HELB: variants seen among roughly 807,000 people sequenced by gnomAD.
The protein encoded by HELB is DNA helicase B, also known as DNA 5'-3' helicase B.
A neutral mutation model predicts 101.7 loss-of-function variants in HELB; 96 were observed. That is an observed-to-expected ratio of 0.94 (90% CI 0.80 to 1.12). The LOEUF (loss-of-function observed/expected upper bound fraction) is 1.12, where lower values mean the gene tolerates loss of function less well. Ranked by LOEUF, HELB falls within the 50% of genes most tolerant of loss-of-function variation. HELB has a pLI of 0.00. For missense variants in HELB, 1,210 were observed against 1,291.9 expected, an observed-to-expected ratio of 0.94 and a Z score of 0.97; for synonymous variants, 437 against 459.7, an observed-to-expected ratio of 0.95 and a Z score of 0.63.
rs530573151 is a variant in HELB at position 66,322,838 on chromosome 12, G to T, written c.2297+55G>T. 4.2e-4 allele frequency: 396 copies of T among 942,024 alleles called. 1 individual carries two copies. In the South Asian group the frequency reaches 4.9e-3, roughly 12 times the overall value. The allele number at this position is 942,024 out of a possible 1,614,324, so 58.4% of individuals were successfully genotyped here. ...AGGACAGTCCTTCTTCGATTTGCTGGTTTTTTTTTTTGCTTTGATGTTTGT... is the reference window on the plus strand; with the variant it reads ...AGGACAGTCCTTCTTCGATTTGCTGTTTTTTTTTTTTGCTTTGATGTTTGT... On this transcript the variant is annotated intron_variant, in intron 9 of 12. Transcript: ENST00000247815.
In HELB at chr12:66,310,465, G is replaced by T; in HGVS notation, c.1537G>T (p.Ala513Ser). The T allele has an allele frequency of 6.2e-7, 1 of 1,614,148 alleles. No homozygotes were observed. The highest frequency in any genetic ancestry group is 8.5e-7 in the Non-Finnish European group (1 of 1,180,030). Residue 513 changes from alanine (A) to serine (S), a missense_variant, in exon 4 of 13, where the codon GCT becomes TCT. Physicochemically the swap from Ala to Ser is moderately conservative, Grantham distance 99. Coordinates refer to ENST00000247815, the MANE Select transcript of HELB (RefSeq NM_001370285.1). ...TGAAGATTTTGAACAAGACCAGAATGCTTCAGAAGAATGGATTACCTTTAC... is the reference window on the plus strand; with the variant it reads ...TGAAGATTTTGAACAAGACCAGAATTCTTCAGAAGAATGGATTACCTTTAC... ...ACEDFEQDQNASEEWITFTEQ... is the reference protein window; with the variant it reads ...ACEDFEQDQNSSEEWITFTEQ...
At chr12:66,332,362 C>A (rs956918520) in intron 12 of HELB, among the ~76,000 whole-genome samples, 1 of 152,148 alleles carries the variant, frequency 6.6e-6, no homozygotes, top group Non-Finnish European at 1.5e-5. Context: ...GTTTTGCTTT[C>A]CAAGGTTTCA....
chr12:66,327,066 A>AATATATATATATATATATATATATAT (rs1555167520), intron 11 of HELB, among the ~76,000 whole-genome samples: 4 of 46,808 alleles, frequency 8.5e-5, no homozygotes, highest in African/African-American at 3.9e-4. Flanking sequence ...AAAAAAAAAA[A>AATATATATATATATATATATATATAT]ATATATATAT....
chr12:66,324,632 C>CGTA, intron 10 of HELB: 1 of 287,642 alleles, frequency 3.5e-6, no homozygotes, highest in Non-Finnish European at 6.6e-6. Context: ...TGTAGATACC[C>CGTA]TCACTGAAAG....
chr12:66,334,100 C>A (rs1245794892), intron 12 of HELB, among the ~76,000 whole-genome samples: 1 of 152,010 alleles, frequency 6.6e-6, no homozygotes, highest in Non-Finnish European at 1.5e-5. Context: ...GTCGAGGCTG[C>A]AGTAAGCTGT....
In HELB at chr12:66,302,621, G is replaced by C; in HGVS notation, c.18G>C (p.Pro6=). 1.4e-5 allele frequency: 23 copies of C among 1,613,902 alleles called. No homozygotes were observed. The highest frequency in any genetic ancestry group is 1.9e-5 in the Non-Finnish European group (22 of 1,179,786). ...GGAGAAGCATGGCCAGGTCGAGTCC[G>C]TACCTGCGCCAACTTCAGGGACCTC... MARSS[P]YLRQLQGPLL... The change falls in exon 1 of 13, where the codon CCG becomes CCC. Residue 6 remains proline, a synonymous_variant. Coordinates refer to ENST00000247815, the MANE Select transcript of HELB (RefSeq NM_001370285.1).
intron 5 of HELB, among the ~76,000 whole-genome samples, chr12:66,314,505 C>T (rs1045282435): frequency 2.0e-5 from 3 of 152,072 alleles, no homozygotes; most frequent in Non-Finnish European, 4.4e-5. Flanking sequence ...TTATAGGCCA[C>T]TTAAAAGTAA....
chr12:66,336,396 G>GA (rs1034805551), intron 12 of HELB, among the ~76,000 whole-genome samples: 12 of 149,958 alleles, frequency 8.0e-5, no homozygotes, highest in East Asian at 5.8e-4. Context: ...GTGTTAAAAA[G>GA]AAAAAAAAAG....
chr12:66,318,545 TACTA>T, intron 6 of HELB, 89 bp from the exon 7 acceptor site: 1 of 1,131,632 alleles, frequency 8.8e-7, no homozygotes, highest in South Asian at 1.7e-5. Context: ...TATTAATAGA[TACTA>T]ATTATTATAA....
At chr12:66,324,299 G>T in intron 10 of HELB, 88 bp downstream of exon 10, 1 of 920,340 alleles carries the variant, frequency 1.1e-6, no homozygotes, top group South Asian at 1.6e-5. Context: ...AGAATCTAAT[G>T]ATATCAGTTG....
chr12:66,327,521 G>A (rs1388356142), intron 11 of HELB, among the ~76,000 whole-genome samples: 1 of 151,652 alleles, frequency 6.6e-6, no homozygotes, highest in African/African-American at 2.4e-5. Context: ...AAGAGTAAAG[G>A]TGTCTTTATT....
intron 9 of HELB, 91 bp downstream of exon 9, chr12:66,322,874 C>A: frequency 1.4e-6 from 1 of 728,268 alleles, no homozygotes; most frequent in Non-Finnish European, 2.3e-6. Context: ...CACCTATTTA[C>A]ATATATTCCC....
downstream of HELB, chr12:66,339,864 A>G (rs1006583375): frequency 6.6e-6 from 1 of 152,208 alleles, no homozygotes; most frequent in Non-Finnish European, 1.5e-5. Context: ...TATTGCAGAC[A>G]TGTGGTTCTT....
At chr12:66,313,705 C>T (rs781746837) in intron 4 of HELB, among the ~76,000 whole-genome samples, 4 of 151,850 alleles carry the variant, frequency 2.6e-5, no homozygotes, top group South Asian at 4.2e-4. Flanking sequence ...CAGATGGCCA[C>T]GAGAAGGTTT....
Position 66,315,255 on chromosome 12 carries a change from G to T in HELB, c.1872G>T (p.Gln624His), listed in dbSNP as rs779556828. 1.3e-6 allele frequency: 2 copies of T among 1,597,006 alleles called. No individual in the cohort carries two copies. Among genetic ancestry groups the T allele is most frequent in the Non-Finnish European group, 1.7e-6 (2 of 1,172,438 alleles). ...TTTTTCTTTTAGGTGACATTAGACA[G>T]TTACCCAGTATTGAACCTGGTAACT... The part of the protein sequence containing the change: ...SKLIILGDIR[Q>H]LPSIEPGNLL... Residue 624 changes from glutamine to histidine, a missense_variant, in exon 6 of 13, where the codon CAG becomes CAT. By Grantham distance (24) the Gln-to-His change is conservative. Coordinates refer to ENST00000247815, the MANE Select transcript of HELB (RefSeq NM_001370285.1).
At chr12:66,326,367 C>T (rs1197194800) in intron 11 of HELB, among the ~76,000 whole-genome samples, 3 of 151,960 alleles carry the variant, frequency 2.0e-5, no homozygotes, top group South Asian at 2.1e-4. Flanking sequence ...CTCAGCTTCC[C>T]GAGTAGCTGG....
intron 11 of HELB, among the ~76,000 whole-genome samples, chr12:66,328,060 A>G (rs1246189280): frequency 6.6e-6 from 1 of 152,116 alleles, no homozygotes; most frequent in East Asian, 1.9e-4. Flanking sequence ...AGAAGCAGGA[A>G]TAGCAAGGTG....
At chr12:66,335,060 G>A (rs1228073542) in intron 12 of HELB, among the ~76,000 whole-genome samples, 1 of 152,212 alleles carries the variant, frequency 6.6e-6, no homozygotes, top group African/African-American at 2.4e-5. Flanking sequence ...GGGAATAGCA[G>A]TGCCATTTCC....
Position 66,331,134 on chromosome 12 carries a change from C to A in HELB, c.2671-20C>A, listed in dbSNP as rs977124391. ...CCTATTTTATAGCATTTAGTCTTCA[C>A]ACCATATTTTTCCTGCCAGGGGTCC... On this transcript the variant is annotated intron_variant, in intron 11 of 12. Coordinates refer to ENST00000247815, the MANE Select transcript of HELB (RefSeq NM_001370285.1). 42 of 1,579,772 alleles carry A rather than the reference C, an allele frequency of 2.7e-5. No individual in the cohort carries two copies. Among genetic ancestry groups the A allele is most frequent in the Non-Finnish European group, 3.5e-5 (41 of 1,162,402 alleles).
Sources: allele counts gnomAD v4.1 joint callset (sites outside exome capture counted in the v4.1 genomes callset), GRCh38; gene constraint gnomAD v4.1.1; transcripts MANE v1.5; gene names NCBI Gene and HGNC (gene_info 2026-07-23, HGNC 2026-07-21).